The following STX8 variants were observed in gnomAD, a reference collection of about 807,000 sequenced individuals.
STX8 encodes syntaxin 8.
In STX8, 23 loss-of-function variants were observed where a neutral mutation model predicts 37.5. The observed-to-expected ratio is 0.61, with a 90% CI of 0.44 to 0.87. The LOEUF is 0.87. Ranked by LOEUF, STX8 falls within the 40% of genes least tolerant of loss-of-function variation. The pLI is 0.00. For missense variants in STX8, 313 were observed against 284.7 expected (o/e 1.10, Z -0.71); for synonymous variants, 115 against 99.1 (o/e 1.16, Z -0.95).
intron 7 of STX8, among the ~76,000 whole-genome samples, chr17:9,366,843 G>C (rs57450379): frequency 0.043 from 6,612 of 152,196 alleles, 349 homozygotes; most frequent in African/African-American, 0.12. Context: ...CAGAAAAAAG[G>C]AAGGGAAGGA....
chr17:9,505,272 C>T (rs1261754970), intron 4 of STX8, 110 bp from the exon 5 acceptor site: 2 of 1,298,456 alleles, frequency 1.5e-6, no homozygotes, highest in Non-Finnish European at 2.1e-6. Flanking sequence ...AAATTCAATT[C>T]AAACACAATT....
chr17:9,489,399 C>G (rs576970666), intron 6 of STX8, among the ~76,000 whole-genome samples: 8 of 152,258 alleles, frequency 5.3e-5, no homozygotes, highest in Admixed American at 2.0e-4. Flanking sequence ...CTAAACCAGA[C>G]GAAAGACAAG....
intron 4 of STX8, among the ~76,000 whole-genome samples, chr17:9,525,819 G>C (rs1021509878): frequency 4.6e-5 from 7 of 152,154 alleles, no homozygotes; most frequent in Admixed American, 4.6e-4. Flanking sequence ...GAGTGCTATC[G>C]TTCATTAATG....
intron 6 of STX8, among the ~76,000 whole-genome samples, chr17:9,440,507 A>C (rs1317723666): frequency 6.7e-6 from 1 of 148,630 alleles, no homozygotes. Context: ...TGCCCAATAC[A>C]ATCATAGTGA....
chr17:9,540,352 T>C (rs1420021434), intron 4 of STX8, among the ~76,000 whole-genome samples: 2 of 152,102 alleles, frequency 1.3e-5, no homozygotes, highest in Non-Finnish European at 2.9e-5. Flanking sequence ...CTTATGAGAG[T>C]GCTTTTGTCT....
chr17:9,316,542 C>T (rs758399245), intron 7 of STX8, among the ~76,000 whole-genome samples: 9 of 152,174 alleles, frequency 5.9e-5, no homozygotes, highest in Non-Finnish European at 1.3e-4. Context: ...AGGCTGCTGA[C>T]CATGTGGCGG....
At chr17:9,252,231 T>A (rs890802977) in intron 7 of STX8, among the ~76,000 whole-genome samples, 3 of 151,190 alleles carry the variant, frequency 2.0e-5, no homozygotes, top group Non-Finnish European at 4.4e-5. Flanking sequence ...GACCATGAGG[T>A]CAGGAGATCG....
At chr17:9,381,560 G>A (rs370164721) in intron 6 of STX8, among the ~76,000 whole-genome samples, 1 of 152,238 alleles carries the variant, frequency 6.6e-6, no homozygotes, top group African/African-American at 2.4e-5. Context: ...ATATTCTATC[G>A]ATTTGTTTAC....
At chr17:9,272,806 C>T (rs1242972970) in intron 7 of STX8, among the ~76,000 whole-genome samples, 1 of 152,216 alleles carries the variant, frequency 6.6e-6, no homozygotes, top group East Asian at 1.9e-4. Flanking sequence ...CCCTTCTGAG[C>T]ACTGTCTTTT....
At chr17:9,312,367 A>T (rs1337069129) in intron 7 of STX8, among the ~76,000 whole-genome samples, 1 of 151,620 alleles carries the variant, frequency 6.6e-6, no homozygotes, top group Non-Finnish European at 1.5e-5. Context: ...ACGCCCAGCT[A>T]ATTTTGTATT....
At chr17:9,265,526 G>C (rs1907204448) in intron 7 of STX8, among the ~76,000 whole-genome samples, 1 of 152,344 alleles carries the variant, frequency 6.6e-6, no homozygotes, top group East Asian at 1.9e-4. Context: ...CTGGCGCTAG[G>C]CACTTGCTAT....
chr17:9,506,396 T>C (rs1302564319), intron 4 of STX8, among the ~76,000 whole-genome samples: 1 of 80,742 alleles, frequency 1.2e-5, no homozygotes, highest in African/African-American at 5.0e-5. Flanking sequence ...AGTCAGCTGG[T>C]GCTCACCCGC....
At chr17:9,558,236 C>G (rs1438970948) in intron 2 of STX8, among the ~76,000 whole-genome samples, 1 of 152,216 alleles carries the variant, frequency 6.6e-6, no homozygotes, top group Non-Finnish European at 1.5e-5. Context: ...AAAACATATT[C>G]AACCACGGAT....
intron 6 of STX8, among the ~76,000 whole-genome samples, chr17:9,395,292 T>C (rs1325780270): frequency 1.3e-5 from 2 of 151,936 alleles, no homozygotes; most frequent in African/African-American, 4.8e-5. Flanking sequence ...TTGGGAATCC[T>C]AAATTGTGCT....
intron 7 of STX8, among the ~76,000 whole-genome samples, chr17:9,357,957 TTGAC>T (rs1304910062): frequency 2.0e-5 from 3 of 152,138 alleles, no homozygotes; most frequent in Middle Eastern, 6.3e-3. Context: ...TCTGTAAAGT[TTGAC>T]TGCTACAAAA....
intron 6 of STX8, among the ~76,000 whole-genome samples, chr17:9,388,848 T>C (rs1168623298): frequency 2.0e-5 from 3 of 151,586 alleles, no homozygotes; most frequent in African/African-American, 7.3e-5. Context: ...TTTCATTTAA[T>C]TGCAATATAT....
intron 3 of STX8, among the ~76,000 whole-genome samples, chr17:9,549,286 A>C (rs1906671428): frequency 6.6e-6 from 1 of 152,238 alleles, no homozygotes; most frequent in South Asian, 2.1e-4. Flanking sequence ...ACTTACGTCA[A>C]GAAGGAGCTA....
Position 9,542,290 on chromosome 17 carries a change from G to A in STX8, c.323+2882C>T, listed in dbSNP as rs777412278. Among the ~76,000 whole-genome samples, 290 of 152,020 alleles carry A rather than the reference G, an allele frequency of 1.9e-3. 2 individuals carry two copies. The highest frequency in any genetic ancestry group is 1.3e-3 in the Non-Finnish European group (88 of 67,974). On this transcript the variant is annotated intron_variant, in intron 4 of 7. Coordinates refer to ENST00000306357, the MANE Select transcript of STX8 (RefSeq NM_004853.3). ...GGAGAATCACTTGAACTCGGGAGGC[G>A]GAGGTTGCAGCGAGCTGAAATTGTG... is the stretch of plus-strand genomic sequence containing the variant.
At chr17:9,534,766 G>A (rs893365044) in intron 4 of STX8, among the ~76,000 whole-genome samples, 30 of 151,698 alleles carry the variant, frequency 2.0e-4, no homozygotes, top group Non-Finnish European at 4.1e-4. Context: ...CCAGCCTGGC[G>A]ACACAGTGAG....
Sources: allele counts gnomAD v4.1 joint callset (sites outside exome capture counted in the v4.1 genomes callset), GRCh38; gene constraint gnomAD v4.1.1; transcripts MANE v1.5; gene names NCBI Gene and HGNC (gene_info 2026-07-23, HGNC 2026-07-21).